The following GYPE variants were observed in gnomAD, a reference collection of about 807,000 sequenced individuals.
The protein encoded by GYPE is glycophorin-E.
In GYPE, 8 loss-of-function variants were observed where a neutral mutation model predicts 11.6. That is an observed-to-expected ratio of 0.69 (90% confidence interval 0.41 to 1.25). The LOEUF (loss-of-function observed/expected upper bound fraction) is 1.25, where lower values mean the gene tolerates loss of function less well. Among genes scored for constraint, GYPE ranks in the 50% most tolerant of loss-of-function variants. The pLI is 0.01. For synonymous variants in GYPE, 28 were observed against 29.6 expected (o/e 0.94, Z 0.18); for missense variants, 90 against 92.8 (o/e 0.97, Z 0.12).
intron 1 of GYPE, among the ~76,000 whole-genome samples, chr4:143,882,575 C>T (rs1015824807): frequency 2.0e-5 from 3 of 152,086 alleles, no homozygotes; most frequent in African/African-American, 4.8e-5. Context: ...TGTTAATGGC[C>T]AGAAGCCTTA....
Position 143,880,401 on chromosome 4 carries a change from G to A in GYPE, c.136+10C>T. On this transcript the variant is annotated intron_variant, in intron 2 of 3. Coordinates refer to ENST00000358615, the MANE Select transcript of GYPE (RefSeq NM_198682.3). ...GGAGCCACAATTTAAAAATAAAAAT[G>A]AAAACAAACCATTTGTCTGTGATGA... The A allele has an allele frequency of 6.2e-7, 1 of 1,613,878 alleles. No individual in the cohort carries two copies. Among genetic ancestry groups the A allele is most frequent in the Non-Finnish European group, 8.5e-7 (1 of 1,179,806 alleles).
intron 1 of GYPE, among the ~76,000 whole-genome samples, chr4:143,901,636 A>G (rs968220660): frequency 1.3e-4 from 3 of 23,750 alleles, no homozygotes; most frequent in African/African-American, 1.8e-4. Context: ...TATAAGAAGG[A>G]TTGGGTTTTT....
intron 3 of GYPE, chr4:143,873,208 C>A (rs975856064): frequency 7.7e-6 from 2 of 258,074 alleles, no homozygotes; most frequent in African/African-American, 4.4e-5. Flanking sequence ...GATGGGGATA[C>A]TTTAATCTGA....
chr4:143,899,580 A>T (rs1206998923), intron 1 of GYPE, among the ~76,000 whole-genome samples: 3 of 152,082 alleles, frequency 2.0e-5, no homozygotes, highest in African/African-American at 7.2e-5. Flanking sequence ...CTTCTAACCA[A>T]GTAACAGCAA....
At chr4:143,883,666 T>A (rs1275608599) in intron 1 of GYPE, among the ~76,000 whole-genome samples, 6 of 147,828 alleles carry the variant, frequency 4.1e-5, no homozygotes, top group Non-Finnish European at 7.5e-5. Context: ...AATTAATTTA[T>A]AATTAATAAA....
chr4:143,892,709 T>C (rs1744457277), intron 1 of GYPE, among the ~76,000 whole-genome samples: 1 of 150,444 alleles, frequency 6.6e-6, no homozygotes, highest in Non-Finnish European at 1.5e-5. Context: ...TTACATTTGC[T>C]GAGGAGAGCT....
intron 2 of GYPE, among the ~76,000 whole-genome samples, chr4:143,879,941 C>T (rs1486719605): frequency 6.0e-5 from 9 of 149,136 alleles, no homozygotes; most frequent in East Asian, 4.0e-4. Flanking sequence ...AACTTTTAGA[C>T]ACTTCTTCTT....
At chr4:143,883,115 G>A (rs765050879) in intron 1 of GYPE, among the ~76,000 whole-genome samples, 61 of 152,184 alleles carry the variant, frequency 4.0e-4, no homozygotes, top group Non-Finnish European at 8.1e-4. Flanking sequence ...CATCCCCCTT[G>A]ATGCTGTCGT....
chr4:143,875,409 G>T (rs1285617869), intron 3 of GYPE: 20 of 1,529,928 alleles, frequency 1.3e-5, no homozygotes, highest in Non-Finnish European at 1.8e-5. Flanking sequence ...TGGGGCATAA[G>T]CAAAGGAATA....
At chr4:143,891,289 T>C (rs1375683906) in intron 1 of GYPE, among the ~76,000 whole-genome samples, 1 of 151,516 alleles carries the variant, frequency 6.6e-6, no homozygotes, top group African/African-American at 2.4e-5. Flanking sequence ...TTTCGTATAA[T>C]ATCCACATGT....
At chr4:143,902,057 G>A (rs1744887343) in intron 1 of GYPE, among the ~76,000 whole-genome samples, 1 of 151,968 alleles carries the variant, frequency 6.6e-6, no homozygotes, top group African/African-American at 2.4e-5. Flanking sequence ...TCTACTCGGC[G>A]CTTTATTGAA....
intron 1 of GYPE, among the ~76,000 whole-genome samples, chr4:143,895,133 A>G (rs565766323): frequency 6.6e-6 from 1 of 152,130 alleles, no homozygotes; most frequent in South Asian, 2.1e-4. Context: ...CCTATTCAAC[A>G]TAGTATTGGA....
At chr4:143,897,963 G>T (rs1235216574) in intron 1 of GYPE, among the ~76,000 whole-genome samples, 2 of 152,130 alleles carry the variant, frequency 1.3e-5, no homozygotes, top group African/African-American at 4.8e-5. Flanking sequence ...CAGAAACAAG[G>T]AATCATAAAA....
intron 1 of GYPE, among the ~76,000 whole-genome samples, chr4:143,898,261 C>G (rs1366841190): frequency 5.9e-5 from 9 of 152,138 alleles, no homozygotes; most frequent in Admixed American, 1.3e-4. Context: ...CCTGTATTCT[C>G]AGCTACTTGG....
intron 1 of GYPE, among the ~76,000 whole-genome samples, chr4:143,893,815 C>T (rs1744509465): frequency 1.3e-5 from 2 of 152,066 alleles, no homozygotes; most frequent in South Asian, 2.1e-4. Flanking sequence ...CGAGGAGTAT[C>T]TTTGTGGCGT....
At chr4:143,895,819 A>G (rs1578975023) in intron 1 of GYPE, among the ~76,000 whole-genome samples, 2 of 152,138 alleles carry the variant, frequency 1.3e-5, no homozygotes, top group South Asian at 4.2e-4. Flanking sequence ...ATATAGATCA[A>G]TGGAACAGAA....
rs1743983893 is a variant in GYPE, at chr4:143,880,508, T to C, written c.39A>G (p.Gly13=). ...TACTTGATGCTGATATGCTCACAAT[T>C]CCTGTATAAAATAGAAGTTGAGAAA... ...GKIIFVLLLS[G]IVSISASSTT... Residue 13 remains glycine, a splice_region_variant and synonymous_variant, in exon 2 of 4, where the codon GGA becomes GGG. Coordinates refer to ENST00000358615, the MANE Select transcript of GYPE (RefSeq NM_198682.3). 1 of 1,613,958 alleles carries C rather than the reference T, an allele frequency of 6.2e-7. No homozygotes were observed. Among genetic ancestry groups the C allele is most frequent in the East Asian group, 2.2e-5 (1 of 44,878 alleles).
chr4:143,873,790 T>TA (rs1743695301), intron 3 of GYPE, among the ~76,000 whole-genome samples: 6 of 152,084 alleles, frequency 3.9e-5, no homozygotes, highest in Admixed American at 2.6e-4. Context: ...AAGGGGCAGA[T>TA]AAGTTCATGA....
At chr4:143,876,581 T>A (rs1450091282) in intron 3 of GYPE, among the ~76,000 whole-genome samples, 165 bp downstream of exon 3, 2 of 152,048 alleles carry the variant, frequency 1.3e-5, no homozygotes, top group African/African-American at 2.4e-5. Flanking sequence ...ATGCAAAAAA[T>A]AAATTATGCT....
Sources: gnomAD v4.1 joint callset for allele counts (sites outside exome capture counted in the v4.1 genomes callset) on GRCh38, gnomAD v4.1.1 for gene constraint, MANE v1.5 for transcripts, NCBI Gene and HGNC (gene_info 2026-07-23, HGNC 2026-07-21) for gene names.